Variants in SRGAP2 observed in about 807,000 individuals in gnomAD.
SRGAP2 encodes SLIT-ROBO Rho GTPase-activating protein 2.
A neutral mutation model predicts 57.2 loss-of-function variants in SRGAP2; 15 were observed. The observed-to-expected ratio is 0.26, with a 90% CI of 0.18 to 0.40. SRGAP2 has a LOEUF of 0.40. Ranked by LOEUF, SRGAP2 falls within the 10% of genes least tolerant of loss-of-function variation. The pLI is 1.00. For synonymous variants in SRGAP2, 249 were observed against 248.0 expected, an observed-to-expected ratio of 1.00 and a Z score of -0.04; for missense variants, 520 against 669.6, an observed-to-expected ratio of 0.78 and a Z score of 2.47.
At chr1:206,317,736 G>A (rs1437342717) in intron 3 of SRGAP2, among the ~76,000 whole-genome samples, 6 of 139,118 alleles carry the variant, frequency 4.3e-5, no homozygotes, top group Admixed American at 4.1e-4. Context: ...GATTTAGAGA[G>A]AATGAAAAAA....
At chr1:206,252,336 T>A (rs1430355437) in intron 2 of SRGAP2, among the ~76,000 whole-genome samples, 1 of 152,160 alleles carries the variant, frequency 6.6e-6, no homozygotes, top group Middle Eastern at 3.2e-3. Context: ...CAAAAAGATA[T>A]TAGCGCAGCT....
chr1:206,284,866 G>A (rs1670932394), intron 2 of SRGAP2, among the ~76,000 whole-genome samples: 1 of 152,172 alleles, frequency 6.6e-6, no homozygotes, highest in Non-Finnish European at 1.5e-5. Context: ...AGTGGTGTTT[G>A]CAAAACCACC....
chr1:206,374,979 C>T (rs1655072904), intron 4 of SRGAP2, among the ~76,000 whole-genome samples: 1 of 74,422 alleles, frequency 1.3e-5, no homozygotes, highest in Admixed American at 1.6e-4. Context: ...ACCAGGCTGC[C>T]CTCCTCCTCT....
chr1:206,347,818 G>T (rs1373066056), intron 4 of SRGAP2, among the ~76,000 whole-genome samples: 2 of 149,888 alleles, frequency 1.3e-5, no homozygotes, highest in Admixed American at 1.3e-4. Flanking sequence ...GTATGGAGAT[G>T]TTGAACATCA....
At chr1:206,303,237 T>C (rs1269034135) in intron 2 of SRGAP2, 44 bp from the exon 3 acceptor site, 2 of 1,411,518 alleles carry the variant, frequency 1.4e-6, no homozygotes, top group African/African-American at 1.5e-5. Context: ...TGGTGGCTTA[T>C]TTAGGGCGGT....
chr1:206,409,593 A>G (rs201932939), intron 10 of SRGAP2, among the ~76,000 whole-genome samples: 4 of 151,814 alleles, frequency 2.6e-5, no homozygotes, highest in African/African-American at 9.7e-5. Flanking sequence ...ACCAGCCTGG[A>G]CAACATGGTG....
intron 14 of SRGAP2, among the ~76,000 whole-genome samples, chr1:206,436,499 C>G (rs1287676607): frequency 6.6e-6 from 1 of 151,454 alleles, no homozygotes; most frequent in Non-Finnish European, 1.5e-5. Flanking sequence ...TACAGGCATG[C>G]TATAAGCACT....
At chr1:206,340,003 T>A (rs1675061314) in intron 3 of SRGAP2, among the ~76,000 whole-genome samples, 1 of 146,164 alleles carries the variant, frequency 6.8e-6, no homozygotes, top group Non-Finnish European at 1.5e-5. Flanking sequence ...CTGGCCAGGC[T>A]GGTCTTGAAC....
rs1553381131 is a variant in SRGAP2, at chr1:206,462,118, A to T, written c.*698A>T. 1 of 152,282 alleles carries T rather than the reference A, an allele frequency of 6.6e-6. No individual in the cohort carries two copies. The highest frequency in any genetic ancestry group is 2.4e-5 in the African/African-American group (1 of 41,418). 9.4% of individuals were successfully genotyped at this position (152,282 alleles called of 1,614,324 possible). ...ATATGAAACATAACGGGATGGGACA[A>T]TCCCGTAACCTGTTTGGGGTTGGGG... is the stretch of plus-strand genomic sequence containing the variant. On this transcript the variant is annotated 3_prime_UTR_variant, in exon 23 of 23. Transcript: ENST00000573034.
At chr1:206,280,036 G>T (rs1418085549) in intron 2 of SRGAP2, among the ~76,000 whole-genome samples, 5,810 of 150,816 alleles carry the variant, frequency 0.039, 178 homozygotes, top group African/African-American at 0.097. Flanking sequence ...ACAAAGTCCA[G>T]CGTTGGTGTG....
At chr1:206,374,074 G>T (rs553384641) in intron 4 of SRGAP2, among the ~76,000 whole-genome samples, 1 of 142,226 alleles carries the variant, frequency 7.0e-6, no homozygotes, top group African/African-American at 2.7e-5. Context: ...ACCCAGGCTG[G>T]AGTGCAGTGG....
intron 10 of SRGAP2, among the ~76,000 whole-genome samples, chr1:206,412,054 G>A (rs1169893384): frequency 1.3e-5 from 2 of 152,202 alleles, no homozygotes; most frequent in African/African-American, 4.8e-5. Context: ...GACTCAGGGG[G>A]TTAAATGATT....
chr1:206,373,029 T>C (rs1271157792), intron 4 of SRGAP2, among the ~76,000 whole-genome samples: 5 of 132,196 alleles, frequency 3.8e-5, no homozygotes, highest in African/African-American at 8.4e-5. Flanking sequence ...TTCTTTCTTT[T>C]CTTTCTCTCT....
At chr1:206,254,335 C>T (rs1553311770) in intron 2 of SRGAP2, among the ~76,000 whole-genome samples, 4 of 148,076 alleles carry the variant, frequency 2.7e-5, no homozygotes, top group African/African-American at 1.0e-4. Context: ...TACGTTTGTA[C>T]AGGAAAAACT....
At chr1:206,391,358 CT>C (rs1166436801) in intron 5 of SRGAP2, among the ~76,000 whole-genome samples, 1 of 110,436 alleles carries the variant, frequency 9.1e-6, no homozygotes, top group African/African-American at 3.8e-5. Flanking sequence ...AGAATGTGGT[CT>C]TTGGAGTCTG....
At chr1:206,351,030 T>A (rs541167633) in intron 4 of SRGAP2, among the ~76,000 whole-genome samples, 11 of 152,128 alleles carry the variant, frequency 7.2e-5, no homozygotes, top group Admixed American at 6.5e-4. Flanking sequence ...AAATGAGATT[T>A]AAAACTAAAA....
At chr1:206,361,497 T>C (rs1426718771) in intron 4 of SRGAP2, among the ~76,000 whole-genome samples, 3 of 152,192 alleles carry the variant, frequency 2.0e-5, no homozygotes, top group Non-Finnish European at 4.4e-5. Context: ...TGACAAAGGA[T>C]AGGAAACTGC....
At chr1:206,244,838 A>G (rs1553309888) in intron 2 of SRGAP2, among the ~76,000 whole-genome samples, 1 of 151,440 alleles carries the variant, frequency 6.6e-6, no homozygotes. Flanking sequence ...AGATTGGTGC[A>G]TGGAAGCTTA....
intron 4 of SRGAP2, among the ~76,000 whole-genome samples, chr1:206,354,366 C>T (rs1324563744): frequency 1.2e-4 from 18 of 152,216 alleles, no homozygotes; most frequent in South Asian, 2.1e-4. Context: ...TTTTGCCCTT[C>T]GTCTTAGAAA....
Sources: gnomAD v4.1 joint callset for allele counts (sites outside exome capture counted in the v4.1 genomes callset) on GRCh38, gnomAD v4.1.1 for gene constraint, MANE v1.5 for transcripts, NCBI Gene and HGNC (gene_info 2026-07-23, HGNC 2026-07-21) for gene names.